Variants in GFOD1 observed in about 807,000 individuals in gnomAD.
GFOD1 encodes glucose-fructose oxidoreductase domain-containing protein 1.
GFOD1 carries 9 observed loss-of-function variants against 25.4 expected under a neutral mutation model. The observed-to-expected ratio is 0.35, with a 90% CI of 0.21 to 0.62. The LOEUF is 0.62. Among genes scored for constraint, GFOD1 ranks in the 20% least tolerant of loss-of-function variants. The pLI, the probability that GFOD1 is intolerant of heterozygous loss-of-function variation, is 0.72. For missense variants in GFOD1, 403 were observed against 556.9 expected (o/e 0.72, Z 2.78); for synonymous variants, 253 against 245.6 (o/e 1.03, Z -0.28).
chr6:13,414,034 G>A (rs976841015), intron 1 of GFOD1, among the ~76,000 whole-genome samples: 4 of 152,174 alleles, frequency 2.6e-5, no homozygotes, highest in Non-Finnish European at 5.9e-5. Flanking sequence ...AGCAAATCAC[G>A]TTTATTCTAA....
At chr6:13,486,600 G>A in intron 1 of GFOD1, 38 bp downstream of exon 1, 1 of 1,574,756 alleles carries the variant, frequency 6.4e-7, no homozygotes, top group South Asian at 1.1e-5. Flanking sequence ...GTTAAAGGGC[G>A]GGGGTGGGAC....
chr6:13,392,090 T>G (rs960800821), intron 1 of GFOD1, among the ~76,000 whole-genome samples: 5 of 152,038 alleles, frequency 3.3e-5, no homozygotes, highest in African/African-American at 9.7e-5. Context: ...CTAGGCTGGG[T>G]GCAGTGGCTC....
intron 1 of GFOD1, among the ~76,000 whole-genome samples, chr6:13,366,626 G>A (rs977267837): frequency 6.6e-6 from 1 of 151,572 alleles, no homozygotes. Context: ...GAGCCACTGC[G>A]CCCAGCCATT....
At chr6:13,477,383 C>T (rs1183064566) in intron 1 of GFOD1, among the ~76,000 whole-genome samples, 4 of 151,952 alleles carry the variant, frequency 2.6e-5, no homozygotes, top group Admixed American at 6.6e-5. Flanking sequence ...TTGCAGTTTC[C>T]AGTACAAAGG....
At chr6:13,470,322 A>G in intron 1 of GFOD1, 1 of 1,577,288 alleles carries the variant, frequency 6.3e-7, no homozygotes, top group Non-Finnish European at 8.6e-7. Flanking sequence ...TTCAGGCAAG[A>G]ATGTGCAGCT....
intron 1 of GFOD1, among the ~76,000 whole-genome samples, chr6:13,458,044 C>T (rs907238925): frequency 6.6e-6 from 1 of 152,162 alleles, no homozygotes; most frequent in African/African-American, 2.4e-5. Flanking sequence ...GTACTGTTTC[C>T]TAGTCCCTTT....
At chr6:13,368,372 C>A (rs972801891) in intron 1 of GFOD1, among the ~76,000 whole-genome samples, 3 of 152,210 alleles carry the variant, frequency 2.0e-5, no homozygotes, top group African/African-American at 7.2e-5. Flanking sequence ...GACTGAGGCT[C>A]CGGCAGAGAG....
At chr6:13,375,909 T>A (rs1041666586) in intron 1 of GFOD1, among the ~76,000 whole-genome samples, 2 of 152,208 alleles carry the variant, frequency 1.3e-5, no homozygotes, top group Non-Finnish European at 2.9e-5. Flanking sequence ...GTAAATCCCA[T>A]ACATCTCCAT....
At position 13,411,980 on chromosome 6, in the gene GFOD1, C is replaced by A. The variant is rs77807052; in HGVS notation, c.254-46318G>T. ...CGTCTTTGTGCCTCTGTTTCCTTAACTGAAACATGAGGGAAATAAGAAGAG... is the reference window on the plus strand; with the variant it reads ...CGTCTTTGTGCCTCTGTTTCCTTAAATGAAACATGAGGGAAATAAGAAGAG... On this transcript the variant is annotated intron_variant, in intron 1 of 1. Transcript: ENST00000379287. 5.0e-4 allele frequency among the ~76,000 whole-genome samples: 76 copies of A among 152,252 alleles called. No homozygotes were observed. In the East Asian group the frequency reaches 0.014, roughly 28 times the overall value.
intron 1 of GFOD1, among the ~76,000 whole-genome samples, chr6:13,455,103 G>GCT (rs772309247): frequency 1.3e-4 from 20 of 152,008 alleles, no homozygotes; most frequent in Non-Finnish European, 2.4e-4. Context: ...ACACACCAGG[G>GCT]CTCTACACAC....
intron 1 of GFOD1, among the ~76,000 whole-genome samples, chr6:13,453,568 C>T (rs996267256): frequency 2.0e-5 from 3 of 152,186 alleles, no homozygotes; most frequent in Admixed American, 1.3e-4. Context: ...TTTCAATTCA[C>T]CCTTTTTAAA....
At chr6:13,368,720 A>G (rs977464619) in intron 1 of GFOD1, among the ~76,000 whole-genome samples, 2 of 152,184 alleles carry the variant, frequency 1.3e-5, no homozygotes, top group Non-Finnish European at 2.9e-5. Context: ...TATAAAAACT[A>G]TAAAATAAAA....
chr6:13,482,630 C>A (rs2127579963), intron 1 of GFOD1, among the ~76,000 whole-genome samples: 1 of 152,164 alleles, frequency 6.6e-6, no homozygotes, highest in South Asian at 2.1e-4. Flanking sequence ...CACCTATAAT[C>A]CCAGCTACTC....
chr6:13,407,669 G>A (rs1785973304), intron 1 of GFOD1, among the ~76,000 whole-genome samples: 1 of 152,192 alleles, frequency 6.6e-6, no homozygotes, highest in African/African-American at 2.4e-5. Flanking sequence ...CGGGAATGGG[G>A]TTTTGTGCAA....
intron 1 of GFOD1, among the ~76,000 whole-genome samples, chr6:13,449,806 A>G (rs984021653): frequency 1.3e-5 from 2 of 152,178 alleles, no homozygotes; most frequent in African/African-American, 4.8e-5. Context: ...CTGTGAGTCC[A>G]TTAAACCTCT....
chr6:13,457,848 C>T (rs7775293), intron 1 of GFOD1, among the ~76,000 whole-genome samples: 10,523 of 152,226 alleles, frequency 0.069, 490 homozygotes, highest in Admixed American at 0.13. Flanking sequence ...CCCGTTCCAG[C>T]GGCAGCCTGC....
intron 1 of GFOD1, among the ~76,000 whole-genome samples, chr6:13,444,639 T>A (rs1253645026): frequency 6.6e-6 from 1 of 152,144 alleles, no homozygotes; most frequent in Non-Finnish European, 1.5e-5. Flanking sequence ...ATTTAATATT[T>A]AATATAGAAC....
rs1156566992 is a variant in GFOD1 at position 13,362,399 on chromosome 6, T to C, written c.*2344A>G. The stretch of plus-strand genomic sequence containing the variant: ...ATCGCTTGAACCTGGGAGGCAGAGG[T>C]TGCAGTGAGCTGAGATCACACCACT... On this transcript the variant is annotated 3_prime_UTR_variant, in exon 2 of 2. Coordinates refer to ENST00000379287, the MANE Select transcript of GFOD1 (RefSeq NM_018988.4). 1 of 150,344 alleles carries C rather than the reference T, an allele frequency of 6.7e-6. No individual in the cohort carries two copies. The highest frequency in any genetic ancestry group is 2.5e-5 in the African/African-American group (1 of 40,562). 9.3% of individuals were successfully genotyped at this position (150,344 alleles called of 1,614,324 possible). A position where few individuals can be genotyped will look rare whatever the true frequency, so the allele number is the denominator to read the frequency against.
At position 13,461,876 on chromosome 6, in the gene GFOD1, G is replaced by A. The variant is rs370191482; in HGVS notation, c.253+24762C>T. 6.6e-5 allele frequency among the ~76,000 whole-genome samples: 10 copies of A among 152,296 alleles called. No homozygotes were observed. In the East Asian group the frequency reaches 1.4e-3, roughly 21 times the overall value. ...TCTCAGAGTGATGGGCACCAAGAAC[G>A]CCACTTGCACCCTGTGTACCAAGCA... On this transcript the variant is annotated intron_variant, in intron 1 of 1. Coordinates refer to ENST00000379287, the MANE Select transcript of GFOD1 (RefSeq NM_018988.4).
Sources: gnomAD v4.1 joint callset for allele counts (sites outside exome capture counted in the v4.1 genomes callset) on GRCh38, gnomAD v4.1.1 for gene constraint, MANE v1.5 for transcripts, NCBI Gene and HGNC (gene_info 2026-07-23, HGNC 2026-07-21) for gene names.